Variants in INTS13 observed in about 807,000 individuals in gnomAD.
INTS13 encodes asunder, spermatogenesis regulator homolog (Drosphila).
Under a neutral mutation model 90.2 loss-of-function variants are expected in INTS13, and 35 were observed. The observed-to-expected ratio is 0.39, with a 90% confidence interval of 0.30 to 0.51. The LOEUF is 0.51. Ranked by LOEUF, INTS13 falls within the 20% of genes least tolerant of loss-of-function variation. The pLI is 0.80. For synonymous variants in INTS13, 309 were observed against 277.1 expected (o/e 1.11, Z -1.14); for missense variants, 601 against 851.2 (o/e 0.71, Z 3.66).
rs370246248 is a variant in INTS13 at position 26,916,189 on chromosome 12, A to T, written c.1070-9T>A. 6.2e-7 allele frequency: 1 copy of T among 1,601,878 alleles called. No individual in the cohort carries two copies. Among genetic ancestry groups the T allele is most frequent in the Non-Finnish European group, 8.5e-7 (1 of 1,174,818 alleles). The stretch of plus-strand genomic sequence containing the variant: ...CAATAAAACAGAACGACCTGTCAAA[A>T]ACAAGATTACACTATCAGTAATGAA... On this transcript the variant is annotated splice_polypyrimidine_tract_variant and intron_variant, in intron 10 of 16. Transcript: ENST00000261191.
At chr12:26,910,945 C>T (rs1375820266) in intron 15 of INTS13, among the ~76,000 whole-genome samples, 1 of 152,188 alleles carries the variant, frequency 6.6e-6, no homozygotes, top group Non-Finnish European at 1.5e-5. Flanking sequence ...AAGCGACTCT[C>T]TAGCCTCAGC....
At chr12:26,936,873 A>C (rs11611563) in intron 1 of INTS13, 59 bp from the exon 2 acceptor site, 25,645 of 1,135,370 alleles carry the variant, frequency 0.023, 447 homozygotes, top group South Asian at 0.06. Flanking sequence ...CATTTTTTCT[A>C]ATTTTCTCAA....
intron 6 of INTS13, 132 bp from the exon 7 acceptor site, chr12:26,924,615 T>C (rs533889845): frequency 2.1e-6 from 2 of 936,778 alleles, no homozygotes; most frequent in East Asian, 2.8e-5. Context: ...AAAGGATCCA[T>C]AAATTAACCA....
At chr12:26,930,744 G>T (rs1303355714) in intron 3 of INTS13, among the ~76,000 whole-genome samples, 2 of 150,316 alleles carry the variant, frequency 1.3e-5, no homozygotes, top group Non-Finnish European at 3.0e-5. Flanking sequence ...CACTGCAGAG[G>T]TGCAGTCAGT....
intron 7 of INTS13, among the ~76,000 whole-genome samples, chr12:26,923,556 T>C (rs1400030978): frequency 1.3e-5 from 2 of 152,166 alleles, no homozygotes; most frequent in African/African-American, 4.8e-5. Context: ...ACAATTAAAT[T>C]CCATTCCACT....
intron 11 of INTS13, 25 bp from the exon 12 acceptor site, chr12:26,914,603 A>C: frequency 6.4e-7 from 1 of 1,552,138 alleles, no homozygotes; most frequent in Non-Finnish European, 8.8e-7. Context: ...ATAAGATAAA[A>C]TTAGAAACTA....
intron 15 of INTS13, among the ~76,000 whole-genome samples, chr12:26,907,791 A>C (rs1951653286): frequency 6.6e-6 from 1 of 152,246 alleles, no homozygotes; most frequent in African/African-American, 2.4e-5. Flanking sequence ...CCTTTCACCC[A>C]AGAAGACAGA....
At chr12:26,931,529 C>A (rs975507423) in intron 3 of INTS13, among the ~76,000 whole-genome samples, 24 of 152,096 alleles carry the variant, frequency 1.6e-4, no homozygotes, top group African/African-American at 5.6e-4. Context: ...CACCCGTTAA[C>A]AAAAAAATTT....
chr12:26,919,851 C>T (rs149868646), intron 8 of INTS13, among the ~76,000 whole-genome samples: 13 of 152,140 alleles, frequency 8.5e-5, no homozygotes, highest in African/African-American at 2.6e-4. Context: ...ATTTAGGGGC[C>T]GGGCACGGTG....
At chr12:26,936,020 A>G (rs1938439346) in intron 2 of INTS13, among the ~76,000 whole-genome samples, 1 of 152,188 alleles carries the variant, frequency 6.6e-6, no homozygotes, top group Non-Finnish European at 1.5e-5. Context: ...ATTTCTTTCT[A>G]ATATGGCCAA....
intron 10 of INTS13, among the ~76,000 whole-genome samples, chr12:26,917,025 T>C (rs112676702): frequency 6.6e-6 from 1 of 152,132 alleles, no homozygotes; most frequent in African/African-American, 2.4e-5. Flanking sequence ...AATTATAGCT[T>C]CTAAAACAAA....
At position 26,928,748 on chromosome 12, in the gene INTS13, C is replaced by T. The variant is rs371059413; in HGVS notation, c.458G>A (p.Arg153His). ...ARTLLMENAE[R>H]VGNRGRIICI... The stretch of plus-strand genomic sequence containing the variant: ...GATTATTCGTCCTCTATTTCCAACA[C>T]GTTCTGCATTCTCCATGAGTAGAGT... Residue 153 changes from arginine (R) to histidine (H), a missense_variant, in exon 4 of 17, where the codon CGT (arginine) becomes CAT (histidine). This residue lies in a region of INTS13 where 284 missense variants were observed against 387.7 expected (regional missense o/e 0.73). Transcript: ENST00000261191. The T allele has an allele frequency of 1.5e-4, 250 of 1,614,024 alleles. 1 individual carries two copies. Among genetic ancestry groups the T allele is most frequent in the Non-Finnish European group, 2.0e-4 (235 of 1,180,034 alleles).
In INTS13 at chr12:26,911,222, G is replaced by A. The variant is rs757748925; in HGVS notation, c.1901C>T (p.Pro634Leu). The A allele has an allele frequency of 6.2e-7, 1 of 1,613,656 alleles. No homozygotes were observed. The highest frequency in any genetic ancestry group is 2.2e-5 in the East Asian group (1 of 44,822). The change falls in exon 15 of 17, where the codon CCC (proline) becomes CTC (leucine). Residue 634 changes from proline to leucine, a missense_variant. Pro to Leu is a moderately conservative substitution (Grantham distance 98). Coordinates refer to ENST00000261191, the MANE Select transcript of INTS13 (RefSeq NM_018164.3). ...TGGAGTTTCATCCATTTCAACAAGG[G>A]GTTTTTTGTTTGGAGGTTCTGGGGA... ...PDSPEPPNKK[P>L]LVEMDETPQV...
intron 3 of INTS13, among the ~76,000 whole-genome samples, chr12:26,931,976 G>T (rs139060269): frequency 7.1e-4 from 108 of 151,468 alleles, no homozygotes; most frequent in African/African-American, 2.5e-3. Context: ...AATTCCAGCT[G>T]CTTGGGAAGC....
At chr12:26,910,490 G>A (rs1951738898) in intron 15 of INTS13, among the ~76,000 whole-genome samples, 1 of 152,116 alleles carries the variant, frequency 6.6e-6, no homozygotes, top group South Asian at 2.1e-4. Flanking sequence ...GTGATAGTGA[G>A]TGAGTTCTCA....
At chr12:26,931,991 G>C (rs1350686307) in intron 3 of INTS13, among the ~76,000 whole-genome samples, 1 of 151,214 alleles carries the variant, frequency 6.6e-6, no homozygotes, top group Non-Finnish European at 1.5e-5. Flanking sequence ...GGAAGCTGAG[G>C]CCGGAGAATT....
chr12:26,937,020 T>C (rs552212100), intron 1 of INTS13, among the ~76,000 whole-genome samples: 2 of 152,298 alleles, frequency 1.3e-5, no homozygotes, highest in East Asian at 3.9e-4. Context: ...AGGCTGTCAC[T>C]CTACCAGGCC....
At chr12:26,911,377 A>G (rs946999357) in intron 14 of INTS13, 60 bp from the exon 15 acceptor site, 31 of 1,426,868 alleles carry the variant, frequency 2.2e-5, no homozygotes, top group Non-Finnish European at 2.9e-5. Context: ...TAATGGTCTA[A>G]TAATTAAACT....
At chr12:26,921,207 T>C (rs890933978) in intron 8 of INTS13, among the ~76,000 whole-genome samples, 3 of 152,156 alleles carry the variant, frequency 2.0e-5, no homozygotes, top group Non-Finnish European at 4.4e-5. Flanking sequence ...CAGAGTCTTC[T>C]CCCCTAAACC....
Sources: gnomAD v4.1 joint callset for allele counts (sites outside exome capture counted in the v4.1 genomes callset) on GRCh38, gnomAD v4.1.1 for gene constraint, gnomAD v4.1.1 regional missense constraint, MANE v1.5 for transcripts, NCBI Gene and HGNC (gene_info 2026-07-23, HGNC 2026-07-21) for gene names.